CEP97: variants seen among roughly 807,000 people sequenced by gnomAD.
The protein encoded by CEP97 is centrosomal protein 97.
Under a neutral mutation model 73.1 loss-of-function variants are expected in CEP97, and 43 were observed. The ratio of observed to expected loss-of-function variants is 0.59; its 90% CI spans 0.46 to 0.76. The LOEUF (loss-of-function observed/expected upper bound fraction) is 0.76, where lower values mean the gene tolerates loss of function less well. CEP97 is among the 30% of genes least tolerant of loss of function. The pLI is 0.00. For synonymous variants in CEP97, 337 were observed against 370.0 expected, an observed-to-expected ratio of 0.91 and a Z score of 1.02; for missense variants, 939 against 1,014.0, an observed-to-expected ratio of 0.93 and a Z score of 1.00.
At chr3:101,754,175 A>G (rs1938940528) in intron 6 of CEP97, among the ~76,000 whole-genome samples, 1 of 149,870 alleles carries the variant, frequency 6.7e-6, no homozygotes, top group South Asian at 2.1e-4. Context: ...AGCATAAGCC[A>G]CCATACCTGG....
intron 6 of CEP97, among the ~76,000 whole-genome samples, chr3:101,735,313 T>A (rs1938237382): frequency 6.6e-6 from 1 of 152,208 alleles, no homozygotes; most frequent in Non-Finnish European, 1.5e-5. Context: ...TTTCAGAGAC[T>A]TCAGGAGATA....
intron 10 of CEP97, chr3:101,763,016 TTGGTTTTACTAGC>T: frequency 8.5e-7 from 1 of 1,173,650 alleles, no homozygotes. Flanking sequence ...GTTTAGGCAG[TTGGTTTTACTAGC>T]ATTGTATCAC....
At chr3:101,727,001 G>A (rs1937912732) in intron 2 of CEP97, among the ~76,000 whole-genome samples, 1 of 152,126 alleles carries the variant, frequency 6.6e-6, no homozygotes, top group Non-Finnish European at 1.5e-5. Flanking sequence ...TCATGATGGG[G>A]GTAAAGAGTT....
chr3:101,738,292 A>G (rs375816370), intron 6 of CEP97, among the ~76,000 whole-genome samples: 1 of 152,220 alleles, frequency 6.6e-6, no homozygotes, highest in Admixed American at 6.5e-5. Flanking sequence ...TCAACAAGAC[A>G]GAAAATTAAC....
In CEP97 at chr3:101,725,998, A is replaced by G. The variant is rs1425409149; in HGVS notation, c.44-596A>G. ...AAATCAATAATTTGCCTAATATACC[A>G]CAATGGTTAATTGGTGGAGCCAGGG... On this transcript the variant is annotated intron_variant, in intron 1 of 10. Transcript: ENST00000341893. 2.0e-5 allele frequency among the ~76,000 whole-genome samples: 3 copies of G among 152,054 alleles called. No individual in the cohort carries two copies. In the East Asian group the frequency reaches 5.8e-4, roughly 29 times the overall value.
intron 6 of CEP97, among the ~76,000 whole-genome samples, chr3:101,746,117 GGT>G (rs1938607333): frequency 2.0e-5 from 3 of 152,136 alleles, no homozygotes; most frequent in Non-Finnish European, 4.4e-5. Context: ...AGTATTCCAT[GGT>G]GTATATGTGC....
intron 1 of CEP97, among the ~76,000 whole-genome samples, chr3:101,725,873 T>TG (rs1444633816): frequency 1.5e-5 from 2 of 135,128 alleles, no homozygotes; most frequent in African/African-American, 5.1e-5. Flanking sequence ...TCCTTTTTTT[T>TG]TTTGTTTTTT....
rs1939070213 is a variant in CEP97 at position 101,758,155 on chromosome 3, A to C, written c.1549A>C (p.Lys517Gln). Residue 517 changes from lysine to glutamine, a missense_variant, in exon 9 of 11, where the codon AAA (lysine) becomes CAA (glutamine). By Grantham distance (53) the Lys-to-Gln change is moderately conservative. Coordinates refer to ENST00000341893, the MANE Select transcript of CEP97 (RefSeq NM_024548.4). Reference sequence around the variant, plus strand: ...TGAGCAGAAACAATCAGACATAAAGAAACCAGAAAATACACAACCAGAAAA... The same window carrying C: ...TGAGCAGAAACAATCAGACATAAAGCAACCAGAAAATACACAACCAGAAAA... ...STEQKQSDIK[K>Q]PENTQPENKE... 1.2e-6 allele frequency: 2 copies of C among 1,613,608 alleles called. No homozygotes were observed. The highest frequency in any genetic ancestry group is 1.7e-6 in the Non-Finnish European group (2 of 1,179,918).
intron 6 of CEP97, among the ~76,000 whole-genome samples, chr3:101,751,671 C>T (rs944917945): frequency 2.6e-5 from 4 of 152,120 alleles, no homozygotes; most frequent in African/African-American, 9.7e-5. Flanking sequence ...TATGTAATGA[C>T]CTTCTTTGTC....
At chr3:101,754,140 A>G (rs1227814410) in intron 6 of CEP97, among the ~76,000 whole-genome samples, 4 of 144,042 alleles carry the variant, frequency 2.8e-5, no homozygotes, top group Non-Finnish European at 6.0e-5. Flanking sequence ...CTCCCACCGC[A>G]GCCCCACAAA....
chr3:101,754,777 A>G (rs1313032980), intron 6 of CEP97, among the ~76,000 whole-genome samples: 2 of 151,958 alleles, frequency 1.3e-5, no homozygotes, highest in South Asian at 2.1e-4. Flanking sequence ...TATTTGTCCT[A>G]TAGAGTTTCC....
chr3:101,735,466 G>A (rs554587740), intron 6 of CEP97, among the ~76,000 whole-genome samples: 87 of 152,254 alleles, frequency 5.7e-4, no homozygotes, highest in African/African-American at 1.9e-3. Context: ...CACAGAAGGC[G>A]GGTGATTTCT....
At chr3:101,748,335 T>C (rs774082364) in intron 6 of CEP97, among the ~76,000 whole-genome samples, 2 of 152,030 alleles carry the variant, frequency 1.3e-5, no homozygotes, top group African/African-American at 2.4e-5. Flanking sequence ...CTTATAGCAG[T>C]TGACGATCTA....
intron 1 of CEP97, 142 bp downstream of exon 1, chr3:101,724,861 A>G (rs1035665271): frequency 8.6e-5 from 73 of 845,580 alleles, no homozygotes; most frequent in Non-Finnish European, 1.2e-4. Context: ...GAGGCGGGCT[A>G]CCCTCTGGGA....
chr3:101,763,983 A>G (rs970447783), intron 10 of CEP97, among the ~76,000 whole-genome samples: 18 of 152,184 alleles, frequency 1.2e-4, no homozygotes, highest in African/African-American at 4.1e-4. Context: ...TGTAGAAGCA[A>G]GAGAATTGCT....
rs780166323 is a variant in CEP97 at position 101,743,375 on chromosome 3, AAC to A, written c.728+10722_728+10723del. On this transcript the variant is annotated intron_variant, in intron 6 of 10. Coordinates refer to ENST00000341893, the MANE Select transcript of CEP97 (RefSeq NM_024548.4). ...TTTTCCTGGTTATTATGGCATCTTCAACCAGTTTCTCCTAGAAAAAATATATA... is the reference window on the plus strand; with the variant it reads ...TTTTCCTGGTTATTATGGCATCTTCACAGTTTCTCCTAGAAAAAATATATA... Among the ~76,000 whole-genome samples, 549 of 152,018 alleles carry A rather than the reference AAC, an allele frequency of 3.6e-3. 4 individuals are homozygous for A. Among genetic ancestry groups the A allele is most frequent in the African/African-American group, 0.012 (486 of 41,454 alleles).
At chr3:101,755,184 T>C (rs1287044255) in intron 6 of CEP97, among the ~76,000 whole-genome samples, 2 of 152,064 alleles carry the variant, frequency 1.3e-5, no homozygotes, top group Non-Finnish European at 2.9e-5. Flanking sequence ...GATTTAAAAA[T>C]ATTTGGCACC....
At chr3:101,728,507 A>G (rs545823924) in intron 3 of CEP97, among the ~76,000 whole-genome samples, 1 of 151,078 alleles carries the variant, frequency 6.6e-6, no homozygotes, top group South Asian at 2.1e-4. Context: ...CAGGCTGTCC[A>G]CCCACCTCGG....
At chr3:101,740,660 G>A (rs1255140789) in intron 6 of CEP97, among the ~76,000 whole-genome samples, 1 of 151,980 alleles carries the variant, frequency 6.6e-6, no homozygotes, top group Non-Finnish European at 1.5e-5. Flanking sequence ...CATGATCTCG[G>A]CTCACTACAA....
Sources: allele counts gnomAD v4.1 joint callset (sites outside exome capture counted in the v4.1 genomes callset), GRCh38; gene constraint gnomAD v4.1.1; transcripts MANE v1.5; gene names NCBI Gene and HGNC (gene_info 2026-07-23, HGNC 2026-07-21).